Variants in TRIM44 observed in about 807,000 individuals in gnomAD.
TRIM44 encodes the protein tripartite motif-containing protein 44.
TRIM44 carries 13 observed loss-of-function variants against 37.4 expected under a neutral mutation model. The observed-to-expected ratio is 0.35, with a 90% CI of 0.23 to 0.55. TRIM44 has a LOEUF of 0.55. TRIM44 is among the 20% of genes least tolerant of loss of function. TRIM44 has a pLI of 0.89. For missense variants in TRIM44, 426 were observed against 437.2 expected, an observed-to-expected ratio of 0.97 and a Z score of 0.23; for synonymous variants, 175 against 157.2, an observed-to-expected ratio of 1.11 and a Z score of -0.85.
At chr11:35,767,698 T>A (rs1565011494) in intron 4 of TRIM44, among the ~76,000 whole-genome samples, 2 of 152,210 alleles carry the variant, frequency 1.3e-5, no homozygotes, top group African/African-American at 4.8e-5. Context: ...TTTGAAGTTA[T>A]ACAGACACGA....
intron 2 of TRIM44, among the ~76,000 whole-genome samples, chr11:35,697,244 T>TTCCCCTTCCTGTGTGC: frequency 8.1e-6 from 1 of 123,836 alleles, no homozygotes; most frequent in Non-Finnish European, 1.6e-5. Flanking sequence ...CCCCGGTGTG[T>TTCCCCTTCCTGTGTGC]GATGTTCCCC....
In TRIM44 at chr11:35,730,576, A is replaced by G. The variant is rs966783548; in HGVS notation, c.987+4413A>G. Reference sequence around the variant, plus strand: ...CTGAAAACTAATGACAAAGAAAAAAAATCTTGAAAGCAGAGTAGCTAAAGA... The same window carrying G: ...CTGAAAACTAATGACAAAGAAAAAAGATCTTGAAAGCAGAGTAGCTAAAGA... On this transcript the variant is annotated intron_variant, in intron 3 of 4. Transcript: ENST00000299413. Among the ~76,000 whole-genome samples the G allele has an allele frequency of 2.6e-5, 4 of 152,210 alleles. No homozygotes were observed. The East Asian group carries it at 5.8e-4, about 22-fold the overall frequency.
intron 2 of TRIM44, among the ~76,000 whole-genome samples, chr11:35,694,868 G>A (rs1259375382): frequency 2.0e-5 from 3 of 152,118 alleles, no homozygotes; most frequent in African/African-American, 7.2e-5. Flanking sequence ...TCTAGATTGT[G>A]AAGGGGTTGA....
At chr11:35,682,481 G>T (rs2135489272) in intron 1 of TRIM44, among the ~76,000 whole-genome samples, 1 of 152,280 alleles carries the variant, frequency 6.6e-6, no homozygotes, top group East Asian at 1.9e-4. Context: ...TCTGCCCCGA[G>T]GAGCCTCTGC....
chr11:35,725,334 C>T (rs1056734410), intron 2 of TRIM44, among the ~76,000 whole-genome samples: 1 of 151,892 alleles, frequency 6.6e-6, no homozygotes, highest in Non-Finnish European at 1.5e-5. Context: ...GGAAGAATTT[C>T]GTTTTTTGTT....
chr11:35,729,797 G>C (rs910647796), intron 3 of TRIM44, among the ~76,000 whole-genome samples: 3 of 152,144 alleles, frequency 2.0e-5, no homozygotes, highest in Non-Finnish European at 4.4e-5. Context: ...GATTTAAATA[G>C]GAACTAGGTT....
chr11:35,781,239 T>G (rs929147236), intron 4 of TRIM44, among the ~76,000 whole-genome samples: 2 of 152,080 alleles, frequency 1.3e-5, no homozygotes, highest in Non-Finnish European at 2.9e-5. Context: ...CACTTCACGT[T>G]TTAGCCTTTT....
In TRIM44 at chr11:35,663,566, A is replaced by G. The variant is rs1851300372; in HGVS notation, c.455A>G (p.Glu152Gly). 6 of 1,613,932 alleles carry G rather than the reference A, an allele frequency of 3.7e-6. No homozygotes were observed. Among genetic ancestry groups the G allele is most frequent in the Non-Finnish European group, 5.1e-6 (6 of 1,179,932 alleles). ...EEDNQEEGES[E>G]AEGETEAESE... ...GACAACCAAGAAGAAGGGGAATCCG[A>G]GGCGGAGGGAGAAACTGAGGCAGAA... Residue 152 changes from glutamate (E) to glycine (G), a missense_variant, in exon 1 of 5, where the codon GAG becomes GGG. Coordinates refer to ENST00000299413, the MANE Select transcript of TRIM44 (RefSeq NM_017583.6).
chr11:35,696,864 T>G (rs1230297376), intron 2 of TRIM44, among the ~76,000 whole-genome samples: 1 of 151,406 alleles, frequency 6.6e-6, no homozygotes. Flanking sequence ...AAAACAACAA[T>G]TAATTAATTA....
intron 4 of TRIM44, among the ~76,000 whole-genome samples, chr11:35,757,150 T>G (rs180994479): frequency 2.2e-4 from 33 of 152,352 alleles, no homozygotes; most frequent in African/African-American, 7.9e-4. Flanking sequence ...TTTCAGTTGG[T>G]AAGCTATTAA....
intron 2 of TRIM44, among the ~76,000 whole-genome samples, chr11:35,694,210 A>G (rs531072206): frequency 6.6e-6 from 1 of 152,194 alleles, no homozygotes; most frequent in Non-Finnish European, 1.5e-5. Flanking sequence ...GCCTTTACAG[A>G]AGAATCCGCT....
intron 4 of TRIM44, among the ~76,000 whole-genome samples, chr11:35,765,763 T>G (rs537830346): frequency 6.6e-6 from 1 of 152,354 alleles, no homozygotes; most frequent in East Asian, 1.9e-4. Flanking sequence ...ATTCATTTGT[T>G]TATTCATTCT....
chr11:35,707,435 A>G (rs1272495461), intron 2 of TRIM44, among the ~76,000 whole-genome samples: 3 of 152,190 alleles, frequency 2.0e-5, no homozygotes, highest in African/African-American at 7.2e-5. Context: ...TATGGAACCA[A>G]AAAAGAGCCC....
At chr11:35,687,298 A>G (rs1392703404) in intron 2 of TRIM44, among the ~76,000 whole-genome samples, 1 of 152,248 alleles carries the variant, frequency 6.6e-6, no homozygotes, top group Non-Finnish European at 1.5e-5. Context: ...CAATGAAAAT[A>G]TCGGGGACAT....
At chr11:35,733,380 C>T (rs1852288607) in intron 3 of TRIM44, among the ~76,000 whole-genome samples, 1 of 152,126 alleles carries the variant, frequency 6.6e-6, no homozygotes, top group Non-Finnish European at 1.5e-5. Flanking sequence ...TAGGCTTAAA[C>T]ATCCAAAAAT....
intron 2 of TRIM44, among the ~76,000 whole-genome samples, chr11:35,688,681 T>C (rs1053295846): frequency 1.3e-5 from 2 of 152,252 alleles, no homozygotes; most frequent in Admixed American, 1.3e-4. Flanking sequence ...TCTTCTTTTC[T>C]TCCAGACCCA....
Position 35,735,461 on chromosome 11 carries a change from T to TG in TRIM44, c.1007+17dup. 6.2e-7 allele frequency: 1 copy of TG among 1,613,526 alleles called. No individual in the cohort carries two copies. Reference sequence around the variant, plus strand: ...AAGGACCCAGGTAAGATCACATTGTTGCTTGTCTTTTCTCATAATTGAAGT... The same window carrying TG: ...AAGGACCCAGGTAAGATCACATTGTTGGCTTGTCTTTTCTCATAATTGAAGT... On this transcript the variant is annotated intron_variant, in intron 4 of 4. Transcript: ENST00000299413.
At chr11:35,792,072 T>TACACACACACACACACACACAC (rs57127722) in intron 4 of TRIM44, among the ~76,000 whole-genome samples, 67 of 136,802 alleles carry the variant, frequency 4.9e-4, no homozygotes, top group African/African-American at 1.4e-3. Flanking sequence ...GAGTTGCCCC[T>TACACACACACACACACACACAC]ACACACACAC....
chr11:35,776,466 T>C (rs531515217), intron 4 of TRIM44, among the ~76,000 whole-genome samples: 1 of 152,340 alleles, frequency 6.6e-6, no homozygotes, highest in South Asian at 2.1e-4. Context: ...CCTTCAGTTC[T>C]GTTCTGATCT....
Sources: allele counts gnomAD v4.1 joint callset (sites outside exome capture counted in the v4.1 genomes callset), GRCh38; gene constraint gnomAD v4.1.1; transcripts MANE v1.5; gene names NCBI Gene and HGNC (gene_info 2026-07-23, HGNC 2026-07-21).